Variants in CPVL observed in about 807,000 individuals in gnomAD.
CPVL encodes probable serine carboxypeptidase CPVL.
Under a neutral mutation model 63.7 loss-of-function variants are expected in CPVL, and 51 were observed. The ratio of observed to expected loss-of-function variants is 0.80; its 90% CI spans 0.64 to 1.01. CPVL has a LOEUF of 1.01. CPVL is among the 50% of genes least tolerant of loss of function. CPVL has a pLI of 0.00. For missense variants in CPVL, 530 were observed against 573.1 expected (o/e 0.92, Z 0.77); for synonymous variants, 195 against 206.0 (o/e 0.95, Z 0.46).
chr7:29,171,230 A>G (rs1220334404), intron 5 of CPVL, among the ~76,000 whole-genome samples: 1 of 152,110 alleles, frequency 6.6e-6, no homozygotes, highest in Non-Finnish European at 1.5e-5. Context: ...ACATCACCTA[A>G]TACGCGTCCT....
At chr7:29,154,292 G>A (rs1794034387) in intron 5 of CPVL, among the ~76,000 whole-genome samples, 1 of 152,170 alleles carries the variant, frequency 6.6e-6, no homozygotes, top group Non-Finnish European at 1.5e-5. Flanking sequence ...CAGTGTAAAT[G>A]CTGGAGATCA....
intron 5 of CPVL, among the ~76,000 whole-genome samples, chr7:29,165,165 A>G (rs1584507465): frequency 6.6e-6 from 1 of 152,136 alleles, no homozygotes; most frequent in Non-Finnish European, 1.5e-5. Context: ...TCTAAATAAT[A>G]TAGTTTTTGA....
At chr7:29,117,645 G>T (rs1465367443) in intron 2 of CPVL, among the ~76,000 whole-genome samples, 3 of 152,078 alleles carry the variant, frequency 2.0e-5, no homozygotes, top group African/African-American at 4.8e-5. Flanking sequence ...TTCAAGCTCT[G>T]CCACTTACTA....
At chr7:29,112,649 C>A (rs979664228) in intron 3 of CPVL, 55 bp downstream of exon 3, 3 of 1,153,610 alleles carry the variant, frequency 2.6e-6, no homozygotes, top group South Asian at 1.3e-5. Flanking sequence ...ACATTTCTAC[C>A]CTCAAACGGC....
At chr7:29,049,567 A>G (rs317732) in intron 11 of CPVL, among the ~76,000 whole-genome samples, 127,851 of 152,146 alleles carry the variant, frequency 0.84, 54,430 homozygotes, top group African/African-American at 0.96. Flanking sequence ...ATAGATTTAC[A>G]CAGAATTCTG....
upstream of CPVL, among the ~76,000 whole-genome samples, chr7:29,148,308 C>T (rs1438441987): frequency 6.6e-6 from 1 of 152,182 alleles, no homozygotes; most frequent in Non-Finnish European, 1.5e-5. Context: ...CTGAATTTTA[C>T]AGTAAACACA....
intron 12 of CPVL, among the ~76,000 whole-genome samples, chr7:29,004,353 C>T (rs1784962266): frequency 6.6e-6 from 1 of 152,126 alleles, no homozygotes; most frequent in Admixed American, 6.5e-5. Flanking sequence ...AGACCTTTCA[C>T]TCAAATCTGT....
chr7:29,155,915 G>A (rs1562798274), intron 5 of CPVL, among the ~76,000 whole-genome samples: 1 of 152,278 alleles, frequency 6.6e-6, no homozygotes, highest in East Asian at 1.9e-4. Flanking sequence ...TGGGAAATAG[G>A]CCCTGAGCCG....
chr7:29,047,167 T>C (rs1789704631), intron 11 of CPVL, among the ~76,000 whole-genome samples: 2 of 152,154 alleles, frequency 1.3e-5, no homozygotes, highest in African/African-American at 2.4e-5. Context: ...GAATCTTTGG[T>C]GGAGTGGGCC....
Position 29,016,615 on chromosome 7 carries a change from G to A in CPVL, c.1320+13962C>T, listed in dbSNP as rs138404119. ...AGAAGCCCCTGAGCACAGTGTGGCA[G>A]ACCACGGGCCTGAGGGCTCCATATA... On this transcript the variant is annotated intron_variant, in intron 12 of 12. Transcript: ENST00000265394. 1.4e-3 allele frequency among the ~76,000 whole-genome samples: 219 copies of A among 152,258 alleles called. 1 individual carries two copies. The highest frequency in any genetic ancestry group is 5.1e-3 in the African/African-American group (211 of 41,556).
chr7:29,128,242 T>C (rs1790278446), intron 1 of CPVL: 1 of 150,776 alleles, frequency 6.6e-6, no homozygotes, highest in South Asian at 2.1e-4. Flanking sequence ...TGCTCCTAGG[T>C]AGGGATTTCC....
At chr7:29,058,945 T>A (rs760945542) in intron 11 of CPVL, among the ~76,000 whole-genome samples, 17 of 152,128 alleles carry the variant, frequency 1.1e-4, no homozygotes, top group Non-Finnish European at 1.6e-4. Context: ...GCTTTGATGT[T>A]TTACATTAAT....
chr7:29,139,411 G>C (rs1388869712), intron 1 of CPVL, among the ~76,000 whole-genome samples: 2 of 151,864 alleles, frequency 1.3e-5, no homozygotes, highest in Non-Finnish European at 2.9e-5. Flanking sequence ...TGAGTCACAG[G>C]GATGATTCAC....
intron 11 of CPVL, among the ~76,000 whole-genome samples, chr7:29,041,126 AT>A (rs1191228187): frequency 0.21 from 22,406 of 104,752 alleles, 1,410 homozygotes; most frequent in Middle Eastern, 0.27. Context: ...CAATAACTGG[AT>A]TTTTTTTTTT....
intron 3 of CPVL, among the ~76,000 whole-genome samples, chr7:29,105,126 T>C (rs529731544): frequency 6.6e-6 from 1 of 152,324 alleles, no homozygotes; most frequent in East Asian, 1.9e-4. Context: ...CCACCTGTGT[T>C]AGATACATTT....
intron 5 of CPVL, among the ~76,000 whole-genome samples, chr7:29,173,484 G>A (rs111316830): frequency 3.1e-4 from 47 of 152,216 alleles, no homozygotes; most frequent in African/African-American, 8.9e-4. Flanking sequence ...ATGAGGAACA[G>A]TGTACAATAT....
intron 5 of CPVL, among the ~76,000 whole-genome samples, chr7:29,176,858 T>G (rs548886255): frequency 6.6e-6 from 1 of 152,300 alleles, no homozygotes; most frequent in African/African-American, 2.4e-5. Context: ...CTTTCATCAT[T>G]GGTCAGAATG....
chr7:29,150,437 G>A (rs1458543685), upstream of CPVL, among the ~76,000 whole-genome samples: 3 of 152,140 alleles, frequency 2.0e-5, no homozygotes, highest in African/African-American at 7.2e-5. Context: ...CTTTCCAACT[G>A]TCTATCCAAG....
chr7:29,002,919 T>C (rs1259808206), intron 12 of CPVL, among the ~76,000 whole-genome samples: 2 of 149,204 alleles, frequency 1.3e-5, no homozygotes, highest in African/African-American at 4.9e-5. Context: ...AACATTTAAC[T>C]TATGTTTAAC....
Sources: gnomAD v4.1 joint callset for allele counts (sites outside exome capture counted in the v4.1 genomes callset) on GRCh38, gnomAD v4.1.1 for gene constraint, MANE v1.5 for transcripts, NCBI Gene and HGNC (gene_info 2026-07-23, HGNC 2026-07-21) for gene names.